Variants in AKAP6 observed in about 807,000 individuals in gnomAD.
AKAP6 encodes the protein A-kinase anchoring protein 6.
Under a neutral mutation model 188.5 loss-of-function variants are expected in AKAP6, and 58 were observed. The ratio of observed to expected loss-of-function variants is 0.31; its 90% CI spans 0.25 to 0.38. The LOEUF (loss-of-function observed/expected upper bound fraction) is 0.38. Among genes scored for constraint, AKAP6 ranks in the 10% least tolerant of loss-of-function variants. The pLI, the probability that AKAP6 is intolerant of heterozygous loss-of-function variation, is 1.00. For synonymous variants in AKAP6, 989 were observed against 998.6 expected (o/e 0.99, Z 0.18); for missense variants, 2,710 against 2,740.0 (o/e 0.99, Z 0.24).
intron 8 of AKAP6, among the ~76,000 whole-genome samples, chr14:32,679,127 G>A (rs1396752144): frequency 2.0e-5 from 3 of 152,008 alleles, no homozygotes; most frequent in Non-Finnish European, 2.9e-5. Context: ...TTATGTGAAC[G>A]TTGTCTAAAT....
chr14:32,752,396 A>C (rs2032172372), intron 11 of AKAP6, among the ~76,000 whole-genome samples: 1 of 152,134 alleles, frequency 6.6e-6, no homozygotes, highest in African/African-American at 2.4e-5. Context: ...GGAGGTTGCT[A>C]TTCTGTAACT....
intron 7 of AKAP6, among the ~76,000 whole-genome samples, chr14:32,662,472 T>G (rs1832020965): frequency 6.6e-6 from 1 of 152,168 alleles, no homozygotes; most frequent in Non-Finnish European, 1.5e-5. Flanking sequence ...ATCATCAGAA[T>G]GTTTCATGTT....
chr14:32,636,998 C>T (rs1182057493), intron 7 of AKAP6, among the ~76,000 whole-genome samples: 1 of 151,970 alleles, frequency 6.6e-6, no homozygotes, highest in East Asian at 1.9e-4. Context: ...GTAACGCTGA[C>T]AATATAGAGA....
chr14:32,460,595 A>T (rs1411452194), intron 2 of AKAP6, among the ~76,000 whole-genome samples: 1 of 152,192 alleles, frequency 6.6e-6, no homozygotes, highest in Non-Finnish European at 1.5e-5. Context: ...GATTCCCTCG[A>T]GTGCCCACAT....
chr14:32,601,930 T>C (rs1885942143), intron 7 of AKAP6, among the ~76,000 whole-genome samples: 1 of 152,192 alleles, frequency 6.6e-6, no homozygotes, highest in Admixed American at 6.5e-5. Flanking sequence ...ACTTATTTGT[T>C]GGAAACAGAG....
intron 2 of AKAP6, among the ~76,000 whole-genome samples, chr14:32,493,676 G>C (rs1198884055): frequency 6.6e-6 from 1 of 152,142 alleles, no homozygotes; most frequent in Non-Finnish European, 1.5e-5. Flanking sequence ...CAGGAGACTG[G>C]GAGTTGGTTG....
chr14:32,807,321 G>A (rs1409790981), intron 12 of AKAP6, among the ~76,000 whole-genome samples: 1 of 138,278 alleles, frequency 7.2e-6, no homozygotes, highest in Non-Finnish European at 1.5e-5. Context: ...GCAAGACCAT[G>A]TCTCAAAAAA....
At chr14:32,741,395 A>G (rs1024576479) in intron 11 of AKAP6, among the ~76,000 whole-genome samples, 1 of 152,066 alleles carries the variant, frequency 6.6e-6, no homozygotes, top group Non-Finnish European at 1.5e-5. Flanking sequence ...GACTTCCAGA[A>G]CTATGTTGGT....
At chr14:32,444,600 T>G (rs1285704122) in intron 2 of AKAP6, among the ~76,000 whole-genome samples, 1 of 152,184 alleles carries the variant, frequency 6.6e-6, no homozygotes, top group African/African-American at 2.4e-5. Context: ...TATCATTAAA[T>G]GGAGAAGGAA....
intron 12 of AKAP6, among the ~76,000 whole-genome samples, chr14:32,809,692 G>A (rs554970383): frequency 6.6e-6 from 1 of 152,288 alleles, no homozygotes; most frequent in East Asian, 1.9e-4. Context: ...GATTAATTTG[G>A]TGGGGTTGGG....
At chr14:32,578,392 C>T (rs1490037496) in intron 5 of AKAP6, among the ~76,000 whole-genome samples, 1 of 152,114 alleles carries the variant, frequency 6.6e-6, no homozygotes, top group Non-Finnish European at 1.5e-5. Flanking sequence ...TATTGCTTCC[C>T]TTTTTAGAGA....
Position 32,600,749 on chromosome 14 carries a change from C to T in AKAP6, c.2687C>T (p.Thr896Ile). 6.2e-7 allele frequency: 1 copy of T among 1,613,132 alleles called. No homozygotes were observed. ...LDTIKAEILA[T>I]DVSVEDEEGT... is the part of the protein sequence containing the mutation. The stretch of plus-strand genomic sequence containing the variant: ...ACCATCAAAGCCGAGATACTGGCTA[C>T]TGATGTGTCTGTGGAGGATGAGGAA... Residue 896 changes from threonine (T) to isoleucine (I), a missense_variant, in exon 7 of 14, where the codon ACT (threonine) becomes ATT (isoleucine). This residue lies in a region of AKAP6 where 2,473 missense variants were observed against 2,426.1 expected (regional missense o/e 1.02). Coordinates refer to ENST00000280979, the MANE Select transcript of AKAP6 (RefSeq NM_004274.5).
chr14:32,532,278 T>C (rs1210134997), intron 2 of AKAP6, among the ~76,000 whole-genome samples: 1 of 152,238 alleles, frequency 6.6e-6, no homozygotes, highest in Non-Finnish European at 1.5e-5. Flanking sequence ...TTGCCATCAT[T>C]ATATCTACTT....
chr14:32,803,022 C>T (rs147804405), intron 12 of AKAP6, among the ~76,000 whole-genome samples: 9,853 of 152,178 alleles, frequency 0.065, 377 homozygotes, highest in South Asian at 0.14. Context: ...TGCTTGAACT[C>T]GGGAGGCAGA....
intron 2 of AKAP6, among the ~76,000 whole-genome samples, chr14:32,455,789 C>G (rs1857857642): frequency 6.6e-6 from 1 of 152,260 alleles, no homozygotes; most frequent in East Asian, 1.9e-4. Context: ...TTTATCAGTT[C>G]TGTCCTATTT....
chr14:32,816,511 T>C (rs537436947), intron 12 of AKAP6, among the ~76,000 whole-genome samples: 2 of 152,260 alleles, frequency 1.3e-5, no homozygotes, highest in South Asian at 4.2e-4. Flanking sequence ...TTGTTTTTGT[T>C]TTTATAAAAT....
chr14:32,641,377 C>T (rs1318589725), intron 7 of AKAP6, among the ~76,000 whole-genome samples: 1 of 150,930 alleles, frequency 6.6e-6, no homozygotes, highest in Non-Finnish European at 1.5e-5. Flanking sequence ...GTGGCTCACA[C>T]CTGTAATCCC....
At chr14:32,695,073 G>A (rs1219614139) in intron 8 of AKAP6, among the ~76,000 whole-genome samples, 2 of 152,174 alleles carry the variant, frequency 1.3e-5, no homozygotes, top group Admixed American at 6.5e-5. Flanking sequence ...TATTCACCAG[G>A]CTTTCAATAG....
intron 4 of AKAP6, among the ~76,000 whole-genome samples, chr14:32,548,735 T>A (rs1883320478): frequency 6.6e-6 from 1 of 152,176 alleles, no homozygotes; most frequent in African/African-American, 2.4e-5. Context: ...TTCTGATTCT[T>A]AGTCCAGTTT....
Sources: allele counts gnomAD v4.1 joint callset (sites outside exome capture counted in the v4.1 genomes callset), GRCh38; gene constraint gnomAD v4.1.1; regional missense constraint gnomAD v4.1.1; transcripts MANE v1.5; gene names NCBI Gene and HGNC (gene_info 2026-07-23, HGNC 2026-07-21).